C5: variants seen among roughly 807,000 people sequenced by gnomAD.
The protein encoded by C5 is C3 and PZP-like alpha-2-macroglobulin domain-containing protein 4.
C5 carries 140 observed loss-of-function variants against 218.8 expected under a neutral mutation model. The ratio of observed to expected loss-of-function variants is 0.64; its 90% CI spans 0.56 to 0.74. The LOEUF (loss-of-function observed/expected upper bound fraction) is 0.74. Among genes scored for constraint, C5 ranks in the 30% least tolerant of loss-of-function variants. C5 has a pLI of 0.00. For synonymous variants in C5, 614 were observed against 682.3 expected, an observed-to-expected ratio of 0.90 and a Z score of 1.56; for missense variants, 1,700 against 1,969.6, an observed-to-expected ratio of 0.86 and a Z score of 2.59.
chr9:121,017,054 T>C (rs1179476268), intron 14 of C5, among the ~76,000 whole-genome samples: 2 of 152,202 alleles, frequency 1.3e-5, no homozygotes, highest in African/African-American at 2.4e-5. Context: ...GTGCTGCTAC[T>C]AGCTACTATA....
At chr9:120,998,413 A>G (rs1454713856) in intron 20 of C5, among the ~76,000 whole-genome samples, 3 of 152,220 alleles carry the variant, frequency 2.0e-5, no homozygotes, top group African/African-American at 7.2e-5. Context: ...TGTGTTTCAG[A>G]TAGTGGGAGC....
intron 28 of C5, among the ~76,000 whole-genome samples, chr9:120,979,198 C>A (rs2046974029): frequency 6.6e-6 from 1 of 152,164 alleles, no homozygotes; most frequent in African/African-American, 2.4e-5. Flanking sequence ...CATGCCCATG[C>A]CTCAGGGCAT....
chr9:120,996,353 A>C, intron 21 of C5, 53 bp from the exon 22 acceptor site: 1 of 1,489,040 alleles, frequency 6.7e-7, no homozygotes, highest in South Asian at 1.1e-5. Flanking sequence ...ATATAACCTG[A>C]ATTCCCTGGA....
intron 3 of C5, among the ~76,000 whole-genome samples, chr9:121,040,398 T>G (rs1456147680): frequency 3.3e-5 from 5 of 152,198 alleles, no homozygotes; most frequent in Non-Finnish European, 5.9e-5. Context: ...TGAAGGATTT[T>G]GGGCAATATT....
At chr9:120,969,229 T>G in intron 32 of C5, 111 bp from the exon 33 acceptor site, 1 of 861,898 alleles carries the variant, frequency 1.2e-6, no homozygotes, top group East Asian at 2.5e-5. Context: ...TGAACACACT[T>G]AAAAATGATT....
At chr9:121,042,971 C>T in intron 3 of C5, 33 bp downstream of exon 3, 1 of 1,575,520 alleles carries the variant, frequency 6.3e-7, no homozygotes, top group Non-Finnish European at 8.7e-7. Context: ...TGTCAAATCC[C>T]CCACCCAGAG....
intron 12 of C5, 95 bp downstream of exon 12, chr9:121,019,881 T>C: frequency 1.3e-6 from 1 of 796,762 alleles, no homozygotes. Flanking sequence ...GCTTTGGGAA[T>C]AAAAGTATAA....
chr9:121,020,692 G>T (rs1033900366), intron 11 of C5, among the ~76,000 whole-genome samples: 1 of 152,204 alleles, frequency 6.6e-6, no homozygotes, highest in Non-Finnish European at 1.5e-5. Context: ...TATCATGGCA[G>T]CAATATCTAC....
intron 22 of C5, 54 bp from the exon 23 acceptor site, chr9:120,991,334 C>G (rs990181295): frequency 2.1e-6 from 2 of 949,584 alleles, no homozygotes; most frequent in Non-Finnish European, 3.5e-6. Flanking sequence ...AGACTGTTTG[C>G]AGATTATTTA....
At position 120,976,830 on chromosome 9, in the gene C5, G is replaced by A. The variant is rs2046957044; in HGVS notation, c.3734C>T (p.Ala1245Val). The A allele has an allele frequency of 1.2e-6, 2 of 1,613,874 alleles. No homozygotes were observed. Among genetic ancestry groups the A allele is most frequent in the Non-Finnish European group, 1.7e-6 (2 of 1,179,744 alleles). ...KDSSVPNTGT[A>V]RMVETTAYAL... is the part of the protein sequence containing the mutation. ...ATAGGCAGTTGTTTCTACCATACGT[G>A]CCGTACCAGTGTTAGGTACAGAGCT... is the stretch of plus-strand genomic sequence containing the variant. The change falls in exon 29 of 41, where the codon GCA becomes GTA. Residue 1245 changes from alanine (A) to valine (V), a missense_variant. Physicochemically the swap from Ala to Val is moderately conservative, Grantham distance 64 (BLOSUM62 0). Transcript: ENST00000223642.
intron 32 of C5, 90 bp from the exon 33 acceptor site, chr9:120,969,208 G>A: frequency 2.9e-6 from 3 of 1,018,930 alleles, no homozygotes; most frequent in Non-Finnish European, 4.7e-6. Flanking sequence ...AATCATTAAT[G>A]AGCAAATCTT....
chr9:121,017,109 G>C (rs1587980705), intron 14 of C5, among the ~76,000 whole-genome samples: 1 of 152,208 alleles, frequency 6.6e-6, no homozygotes, highest in Non-Finnish European at 1.5e-5. Context: ...TATTCTGATA[G>C]TAATTTTTCC....
intron 13 of C5, 63 bp downstream of exon 13, chr9:121,017,580 A>C: frequency 6.2e-7 from 1 of 1,604,470 alleles, no homozygotes; most frequent in Non-Finnish European, 8.5e-7. Context: ...GAAGCAGCTA[A>C]AACTTTGGCA....
At chr9:120,999,808 C>A in intron 20 of C5, 1 of 408,222 alleles carries the variant, frequency 2.4e-6, no homozygotes, top group Non-Finnish European at 4.9e-6. Flanking sequence ...CACAGATGTA[C>A]TTGTTTCTTA....
chr9:120,987,632 G>A (rs1327747028), intron 25 of C5, among the ~76,000 whole-genome samples: 10 of 96,002 alleles, frequency 1.0e-4, no homozygotes, highest in South Asian at 5.1e-4. Flanking sequence ...GCAAGACTCC[G>A]TCTCAAAAAA....
chr9:121,037,182 T>C (rs1435498658), intron 4 of C5, among the ~76,000 whole-genome samples: 9 of 152,076 alleles, frequency 5.9e-5, no homozygotes, highest in Admixed American at 5.9e-4. Context: ...GTAAGTACCA[T>C]TAAATATAGT....
At chr9:120,968,891 G>T (rs1015041094) in intron 33 of C5, among the ~76,000 whole-genome samples, 170 bp downstream of exon 33, 1 of 152,168 alleles carries the variant, frequency 6.6e-6, no homozygotes, top group African/African-American at 2.4e-5. Context: ...AACCAAGGCT[G>T]TTTTTTATGG....
At chr9:120,988,070 C>T (rs995240507) in intron 25 of C5, among the ~76,000 whole-genome samples, 1 of 152,164 alleles carries the variant, frequency 6.6e-6, no homozygotes, top group Non-Finnish European at 1.5e-5. Flanking sequence ...GGATTACAGG[C>T]GTGAGCCACC....
chr9:121,020,562 T>C (rs2047356198), intron 11 of C5, among the ~76,000 whole-genome samples: 1 of 152,056 alleles, frequency 6.6e-6, no homozygotes, highest in Non-Finnish European at 1.5e-5. Context: ...AGTGGGGAGG[T>C]AGCACTAACT....
Sources: gnomAD v4.1 joint callset for allele counts (sites outside exome capture counted in the v4.1 genomes callset) on GRCh38, gnomAD v4.1.1 for gene constraint, MANE v1.5 for transcripts, NCBI Gene and HGNC (gene_info 2026-07-23, HGNC 2026-07-21) for gene names.